Variants in PDE4D observed in about 807,000 individuals in gnomAD.
PDE4D encodes the protein phosphodiesterase 4D, also known as 3',5'-cyclic-AMP phosphodiesterase 4D.
PDE4D carries 24 observed loss-of-function variants against 87.4 expected under a neutral mutation model. The observed-to-expected ratio is 0.27, with a 90% CI of 0.20 to 0.39. The LOEUF (loss-of-function observed/expected upper bound fraction) is 0.39, where lower values mean the gene tolerates loss of function less well. PDE4D is among the 10% of genes least tolerant of loss of function. The pLI is 1.00. For missense variants in PDE4D, 714 were observed against 1,041.0 expected (o/e 0.69, Z 4.32); for synonymous variants, 384 against 383.2 (o/e 1.00, Z -0.02).
Position 59,781,282 on chromosome 5 carries a change from T to C in PDE4D, c.455+111886A>G, listed in dbSNP as rs531722210. Among the ~76,000 whole-genome samples, 5 of 151,824 alleles carry C rather than the reference T, an allele frequency of 3.3e-5. No individual in the cohort carries two copies. The South Asian group carries it at 1.0e-3, about 32-fold the overall frequency. On this transcript the variant is annotated intron_variant, in intron 1 of 14. Transcript: ENST00000340635. The stretch of plus-strand genomic sequence containing the variant: ...CTACATGATTGGTTTATGTAGGAAC[T>C]ATGTCTTACTTAGTGGTTAAGTAAG...
At chr5:60,495,344 A>G (rs926446356) in intron 1 of PDE4D, among the ~76,000 whole-genome samples, 2 of 152,200 alleles carry the variant, frequency 1.3e-5, no homozygotes, top group Admixed American at 6.5e-5. Flanking sequence ...TGTCATGTGC[A>G]TAAGGATGAT....
chr5:60,338,110 A>G (rs1757977664), intron 1 of PDE4D, among the ~76,000 whole-genome samples: 2 of 152,140 alleles, frequency 1.3e-5, no homozygotes, highest in South Asian at 2.1e-4. Flanking sequence ...TAGCCGGAGA[A>G]AAAAGGCAGA....
chr5:60,380,573 C>A (rs1761781596), intron 1 of PDE4D, among the ~76,000 whole-genome samples: 1 of 152,220 alleles, frequency 6.6e-6, no homozygotes, highest in Non-Finnish European at 1.5e-5. Flanking sequence ...AGCAGAGCTG[C>A]AGTCAACTCA....
chr5:60,134,712 T>C (rs1779884193), intron 2 of PDE4D, among the ~76,000 whole-genome samples: 1 of 152,180 alleles, frequency 6.6e-6, no homozygotes, highest in Non-Finnish European at 1.5e-5. Context: ...TAGTATAACG[T>C]AAATGTTATG....
At position 60,416,025 on chromosome 5, in the gene PDE4D, C is replaced by T. The variant is rs553022619; in HGVS notation, c.-90+71917G>A. Among the ~76,000 whole-genome samples, 204 of 152,312 alleles carry T rather than the reference C, an allele frequency of 1.3e-3. 1 individual carries two copies. Among genetic ancestry groups the T allele is most frequent in the African/African-American group, 4.6e-3 (192 of 41,570 alleles). Reference sequence around the variant, plus strand: ...CAGGGTTTGTGAATGCACCAATCAGCACTCTGTATCTAGCCCAAGGTTTGT... The same window carrying T: ...CAGGGTTTGTGAATGCACCAATCAGTACTCTGTATCTAGCCCAAGGTTTGT... On this transcript the variant is annotated intron_variant, in intron 1 of 16. Coordinates refer to the PDE4D transcript ENST00000502484.
intron 1 of PDE4D, among the ~76,000 whole-genome samples, chr5:59,642,118 T>C (rs562843180): frequency 6.6e-6 from 1 of 152,240 alleles, no homozygotes; most frequent in South Asian, 2.1e-4. Context: ...ACATATAGAA[T>C]GATTTCTTTT....
intron 11 of PDE4D, among the ~76,000 whole-genome samples, chr5:58,985,309 A>G (rs1398215220): frequency 1.5e-4 from 23 of 152,106 alleles, no homozygotes; most frequent in Admixed American, 1.4e-3. Context: ...CAGTACCCAC[A>G]CTCAAATCAT....
chr5:59,931,694 C>CTTTTTTTTTTTTTTTTTTTTTT (rs35943138), intron 3 of PDE4D, among the ~76,000 whole-genome samples: 8 of 126,596 alleles, frequency 6.3e-5, no homozygotes, highest in East Asian at 2.3e-4. Flanking sequence ...TCTTCTTCTT[C>CTTTTTTTTTTTTTTTTTTTTTT]TTTTTTTTTT....
intron 5 of PDE4D, among the ~76,000 whole-genome samples, chr5:59,171,768 C>CTCTATA (rs374001999): frequency 2.1e-5 from 3 of 140,122 alleles, no homozygotes; most frequent in African/African-American, 8.0e-5. Flanking sequence ...CTCTCTCTCT[C>CTCTATA]TATATATGAA....
chr5:60,076,492 A>T (rs1278302432), intron 2 of PDE4D, among the ~76,000 whole-genome samples: 4 of 151,760 alleles, frequency 2.6e-5, no homozygotes, highest in Non-Finnish European at 4.4e-5. Context: ...TGTCCTTTGG[A>T]TTTTTTTCTT....
chr5:59,837,771 T>A lies in PDE4D; in HGVS notation c.455+55397A>T, dbSNP rs150306922. ...ATACTAACAGATTCGAGAGTTTCCA[T>A]GCAGTTGTGGCAAGAATAACTAGGA... On this transcript the variant is annotated intron_variant, in intron 1 of 14. Transcript: ENST00000340635. 9.2e-5 allele frequency among the ~76,000 whole-genome samples: 14 copies of A among 152,228 alleles called. No individual in the cohort carries two copies. The East Asian group carries it at 2.5e-3, about 27-fold the overall frequency.
intron 5 of PDE4D, among the ~76,000 whole-genome samples, chr5:59,120,060 T>G (rs180964897): frequency 1.3e-5 from 2 of 152,264 alleles, no homozygotes; most frequent in Non-Finnish European, 2.9e-5. Flanking sequence ...CTCAAACTCC[T>G]GGCCTTAAGT....
chr5:59,071,944 C>T (rs1437090316), intron 5 of PDE4D, among the ~76,000 whole-genome samples: 1 of 152,138 alleles, frequency 6.6e-6, no homozygotes, highest in African/African-American at 2.4e-5. Flanking sequence ...CCGCCTTGGC[C>T]TCCCGAAGTG....
At chr5:59,106,323 A>G (rs1771571834) in intron 5 of PDE4D, among the ~76,000 whole-genome samples, 1 of 152,254 alleles carries the variant, frequency 6.6e-6, no homozygotes, top group African/African-American at 2.4e-5. Flanking sequence ...GAGAGGGCAG[A>G]TTAGAATCTG....
intron 1 of PDE4D, among the ~76,000 whole-genome samples, chr5:59,433,688 A>C (rs1211751187): frequency 2.6e-5 from 4 of 152,064 alleles, no homozygotes; most frequent in Non-Finnish European, 5.9e-5. Context: ...GTTTTTGCAT[A>C]CTGGGATTTC....
intron 1 of PDE4D, among the ~76,000 whole-genome samples, chr5:59,548,622 T>C (rs976163603): frequency 1.3e-5 from 2 of 152,096 alleles, no homozygotes; most frequent in Non-Finnish European, 2.9e-5. Context: ...AATGCAGGAA[T>C]GAGGATACAG....
chr5:59,173,378 A>G (rs999861125), intron 5 of PDE4D, among the ~76,000 whole-genome samples: 13 of 152,244 alleles, frequency 8.5e-5, no homozygotes, highest in African/African-American at 2.9e-4. Context: ...ATTCATTTGT[A>G]AGAAAGAGAA....
intron 2 of PDE4D, among the ~76,000 whole-genome samples, chr5:59,203,989 T>G (rs908322611): frequency 2.0e-5 from 3 of 152,060 alleles, no homozygotes; most frequent in African/African-American, 7.2e-5. Context: ...TACCTGAAAA[T>G]TGCTGAGAGT....
At chr5:59,161,872 G>T (rs147112767) in intron 5 of PDE4D, among the ~76,000 whole-genome samples, 1 of 152,128 alleles carries the variant, frequency 6.6e-6, no homozygotes, top group African/African-American at 2.4e-5. Flanking sequence ...TCAGAGGTGC[G>T]GTTTGATGAT....
Sources: gnomAD v4.1 joint callset for allele counts (sites outside exome capture counted in the v4.1 genomes callset) on GRCh38, gnomAD v4.1.1 for gene constraint, MANE v1.5 for transcripts, NCBI Gene and HGNC (gene_info 2026-07-23, HGNC 2026-07-21) for gene names.